RAD18: variants seen among roughly 807,000 people sequenced by gnomAD.
RAD18 encodes the protein E3 ubiquitin-protein ligase RAD18.
RAD18 carries 47 observed loss-of-function variants against 60.4 expected under a neutral mutation model. That is an observed-to-expected ratio of 0.78 (90% confidence interval 0.62 to 0.99). RAD18 has a LOEUF of 0.99. Among genes scored for constraint, RAD18 ranks in the 50% least tolerant of loss-of-function variants. RAD18 has a pLI of 0.00. For synonymous variants in RAD18, 225 were observed against 195.5 expected, an observed-to-expected ratio of 1.15 and a Z score of -1.26; for missense variants, 640 against 593.3, an observed-to-expected ratio of 1.08 and a Z score of -0.82.
At chr3:8,901,730 T>C (rs1386015203) in intron 10 of RAD18, among the ~76,000 whole-genome samples, 11 of 152,296 alleles carry the variant, frequency 7.2e-5, no homozygotes, top group East Asian at 1.9e-4. Flanking sequence ...ACAGTGGTGA[T>C]AGTTACACAA....
Position 8,921,201 on chromosome 3 carries a change from C to T in RAD18, c.890-7481G>A, listed in dbSNP as rs45528033. ...GGCAAAATGCTAACAATAGGTGGAT[C>T]TGTACAAAGGGTACAGTCTATGCAT... On this transcript the variant is annotated intron_variant, in intron 7 of 12. Coordinates refer to ENST00000264926, the MANE Select transcript of RAD18 (RefSeq NM_020165.4). Among the ~76,000 whole-genome samples, 32 of 152,320 alleles carry T rather than the reference C, an allele frequency of 2.1e-4. No individual in the cohort carries two copies. The East Asian group carries it at 5.4e-3, about 26-fold the overall frequency.
chr3:8,898,156 A>C (rs1041634644), intron 11 of RAD18, among the ~76,000 whole-genome samples: 30 of 152,160 alleles, frequency 2.0e-4, no homozygotes, highest in Non-Finnish European at 4.0e-4. Context: ...CACTGGGAAA[A>C]ATGTAGAGCT....
At chr3:8,953,255 TTATA>T (rs202190071) in intron 2 of RAD18, among the ~76,000 whole-genome samples, 1 of 151,028 alleles carries the variant, frequency 6.6e-6, no homozygotes, top group Non-Finnish European at 1.5e-5. Flanking sequence ...TAAGTATACA[TTATA>T]TATATTATGT....
intron 7 of RAD18, among the ~76,000 whole-genome samples, chr3:8,923,646 G>A (rs1402977670): frequency 3.9e-5 from 6 of 152,216 alleles, no homozygotes; most frequent in South Asian, 4.1e-4. Context: ...AGGAAAAAAC[G>A]TTAAGGGCAG....
chr3:8,932,081 T>A (rs1415334886), intron 7 of RAD18, among the ~76,000 whole-genome samples: 3 of 152,228 alleles, frequency 2.0e-5, no homozygotes, highest in Non-Finnish European at 2.9e-5. Context: ...TTTTTTGTGA[T>A]CTTAGGATAA....
chr3:8,889,891 G>C (rs1236996523), intron 12 of RAD18, among the ~76,000 whole-genome samples: 1 of 152,196 alleles, frequency 6.6e-6, no homozygotes, highest in African/African-American at 2.4e-5. Flanking sequence ...AATTACGTAA[G>C]ATTATAATAC....
intron 1 of RAD18, among the ~76,000 whole-genome samples, chr3:8,962,053 A>G (rs1336808116): frequency 6.6e-6 from 1 of 152,246 alleles, no homozygotes; most frequent in Non-Finnish European, 1.5e-5. Flanking sequence ...TCAAGCAGCA[A>G]ATAATATTTG....
intron 7 of RAD18, among the ~76,000 whole-genome samples, chr3:8,919,246 C>T (rs1457575711): frequency 6.6e-6 from 1 of 152,074 alleles, no homozygotes; most frequent in African/African-American, 2.4e-5. Context: ...TAAACTTAAA[C>T]AAGATGACTT....
chr3:8,935,958 G>C lies in RAD18; in HGVS notation c.802C>G (p.Gln268Glu). The C allele has an allele frequency of 1.2e-6, 2 of 1,610,722 alleles. No individual in the cohort carries two copies. The highest frequency in any genetic ancestry group is 1.7e-6 in the Non-Finnish European group (2 of 1,177,334). The change falls in exon 7 of 13, where the codon CAA (glutamine) becomes GAA (glutamate). Residue 268 changes from glutamine to glutamate, a missense_variant. Transcript: ENST00000264926. ...KKLKEHGLSIQGNKQQLIKRH... is the reference protein window; with the variant it reads ...KKLKEHGLSIEGNKQQLIKRH... ...TTAATGAGCTGTTGTTTATTTCCTT[G>C]AATAGATAATCCATGCTCTTTTAGC...
intron 4 of RAD18, among the ~76,000 whole-genome samples, chr3:8,943,190 A>G (rs891741467): frequency 6.6e-6 from 1 of 152,238 alleles, no homozygotes; most frequent in Non-Finnish European, 1.5e-5. Context: ...TGTTCAGCAC[A>G]TATTTTAAAA....
intron 12 of RAD18, among the ~76,000 whole-genome samples, chr3:8,884,216 T>C (rs535036275): frequency 6.6e-6 from 1 of 152,310 alleles, no homozygotes; most frequent in South Asian, 2.1e-4. Context: ...GCCAGTCGAA[T>C]CACCACAAAG....
Position 8,899,014 on chromosome 3 carries a change from T to C in RAD18, c.1202A>G (p.His401Arg), listed in dbSNP as rs569940462. 3 of 1,608,588 alleles carry C rather than the reference T, an allele frequency of 1.9e-6. No homozygotes were observed. The highest frequency in any genetic ancestry group is 1.7e-5 in the Admixed American group (1 of 59,474). ...GGAGTCCAGCTTTGATTGAGAAAAG[T>C]GGTTTGTTACTGAGGTCATATTATC... is the stretch of plus-strand genomic sequence containing the variant. ...QEDNMTSVTNHFSQSKLDSPE... is the reference protein window; with the variant it reads ...QEDNMTSVTNRFSQSKLDSPE... The change falls in exon 11 of 13, where the codon CAC (histidine) becomes CGC (arginine). Residue 401 changes from histidine to arginine, a missense_variant. Coordinates refer to ENST00000264926, the MANE Select transcript of RAD18 (RefSeq NM_020165.4).
chr3:8,929,567 T>C (rs1264218843), intron 7 of RAD18, among the ~76,000 whole-genome samples: 4 of 152,246 alleles, frequency 2.6e-5, no homozygotes, highest in Middle Eastern at 6.8e-3. Flanking sequence ...ATCACTGTAA[T>C]GTAAATCAAT....
intron 6 of RAD18, among the ~76,000 whole-genome samples, chr3:8,939,055 A>AT (rs1489789854): frequency 2.0e-5 from 3 of 152,088 alleles, no homozygotes; most frequent in African/African-American, 7.2e-5. Flanking sequence ...GGGGTATGAC[A>AT]TTACATTTCA....
intron 12 of RAD18, among the ~76,000 whole-genome samples, chr3:8,888,362 A>G (rs1160571697): frequency 6.6e-6 from 1 of 152,242 alleles, no homozygotes; most frequent in African/African-American, 2.4e-5. Context: ...TGCTGCTTAC[A>G]AAAACCCTGC....
In RAD18 at chr3:8,897,675, G is replaced by A. The variant is rs149692082; in HGVS notation, c.1322+1219C>T. On this transcript the variant is annotated intron_variant, in intron 11 of 12. Coordinates refer to ENST00000264926, the MANE Select transcript of RAD18 (RefSeq NM_020165.4). ...GTGTCTCTCTTGACTAAGTTTCAGC[G>A]TCATTAAATAACACTGGCAATAAGC... 1.1e-3 allele frequency among the ~76,000 whole-genome samples: 174 copies of A among 152,250 alleles called. 2 individuals carry two copies. The highest frequency in any genetic ancestry group is 4.1e-3 in the African/African-American group (171 of 41,538).
At chr3:8,960,661 T>G (rs1941082442) in intron 1 of RAD18, among the ~76,000 whole-genome samples, 1 of 152,220 alleles carries the variant, frequency 6.6e-6, no homozygotes, top group East Asian at 1.9e-4. Flanking sequence ...AGCAATCTTA[T>G]GAAGTCCACA....
intron 9 of RAD18, among the ~76,000 whole-genome samples, chr3:8,910,058 A>C (rs892869144): frequency 6.6e-6 from 1 of 152,226 alleles, no homozygotes; most frequent in African/African-American, 2.4e-5. Context: ...GAATTCCCAG[A>C]AAGTTGGTGA....
At chr3:8,939,529 C>T in intron 6 of RAD18, 25 bp downstream of exon 6, 2 of 1,582,070 alleles carry the variant, frequency 1.3e-6, no homozygotes, top group South Asian at 1.1e-5. Context: ...TAAAGTAGCT[C>T]AATGGTTCTG....
Sources: allele counts gnomAD v4.1 joint callset (sites outside exome capture counted in the v4.1 genomes callset), GRCh38; gene constraint gnomAD v4.1.1; transcripts MANE v1.5; gene names NCBI Gene and HGNC (gene_info 2026-07-23, HGNC 2026-07-21).